Variants in ADGRG7 observed in about 807,000 individuals in gnomAD.
ADGRG7 encodes the protein adhesion G protein-coupled receptor G7, also known as G-protein coupled receptor 128.
ADGRG7 carries 82 observed loss-of-function variants against 88.6 expected under a neutral mutation model. The observed-to-expected ratio is 0.93, with a 90% CI of 0.77 to 1.11. ADGRG7 has a LOEUF of 1.11. Among genes scored for constraint, ADGRG7 ranks in the 50% most tolerant of loss-of-function variants. The probability of loss-of-function intolerance (pLI) is 0.00; values close to 1 mark genes in which losing one functional copy is unlikely to be tolerated. For synonymous variants in ADGRG7, 381 were observed against 345.2 expected (o/e 1.10, Z -1.15); for missense variants, 945 against 953.4 (o/e 0.99, Z 0.12).
At chr3:100,678,084 G>T (rs1209056859) in intron 15 of ADGRG7, among the ~76,000 whole-genome samples, 2 of 151,868 alleles carry the variant, frequency 1.3e-5, no homozygotes, top group African/African-American at 4.8e-5. Context: ...CTATTTTCTA[G>T]ATCTTGTGGG....
intron 15 of ADGRG7, among the ~76,000 whole-genome samples, chr3:100,685,128 C>G (rs1295048173): frequency 2.6e-5 from 4 of 152,062 alleles, no homozygotes; most frequent in Admixed American, 1.3e-4. Context: ...TAAGGAAACT[C>G]TCATCAATGG....
intron 8 of ADGRG7, among the ~76,000 whole-genome samples, chr3:100,645,236 C>T (rs773261915): frequency 1.2e-4 from 18 of 152,266 alleles, no homozygotes; most frequent in Non-Finnish European, 2.5e-4. Flanking sequence ...CTGCCACCAA[C>T]GGGCTGGGTG....
chr3:100,643,802 T>C (rs896423043), intron 8 of ADGRG7, among the ~76,000 whole-genome samples, 169 bp downstream of exon 8: 1 of 152,248 alleles, frequency 6.6e-6, no homozygotes, highest in African/African-American at 2.4e-5. Flanking sequence ...TCTACTATTC[T>C]AAGTCAAAAA....
chr3:100,684,305 C>T (rs1237941226), intron 15 of ADGRG7, among the ~76,000 whole-genome samples: 1 of 89,712 alleles, frequency 1.1e-5, no homozygotes, highest in Non-Finnish European at 2.5e-5. Context: ...TCTCTGTCAC[C>T]CAGGCTGGAA....
intron 6 of ADGRG7, among the ~76,000 whole-genome samples, chr3:100,641,653 A>T (rs1707643965): frequency 6.6e-6 from 1 of 152,252 alleles, no homozygotes. Flanking sequence ...TTGACATAAT[A>T]AATTTAGAGG....
chr3:100,673,832 A>AT (rs1343958428), intron 15 of ADGRG7, among the ~76,000 whole-genome samples: 1 of 152,142 alleles, frequency 6.6e-6, no homozygotes, highest in Non-Finnish European at 1.5e-5. Context: ...GGATTCATTG[A>AT]TTTTTAAAAG....
At chr3:100,644,684 TA>T (rs1168839170) in intron 8 of ADGRG7, among the ~76,000 whole-genome samples, 372 of 142,150 alleles carry the variant, frequency 2.6e-3, no homozygotes, top group Admixed American at 3.7e-3. Context: ...CCCTGCTAAT[TA>T]AAAAAAAAAA....
At chr3:100,677,313 A>G (rs555219596) in intron 15 of ADGRG7, among the ~76,000 whole-genome samples, 41 of 152,246 alleles carry the variant, frequency 2.7e-4, no homozygotes, top group Non-Finnish European at 5.1e-4. Context: ...TAAGCTGATG[A>G]CAACACTGAT....
At position 100,629,717 on chromosome 3, in the gene ADGRG7, T is replaced by C; in HGVS notation, c.229+6T>C. ...AGGACTGAGATGTACAATTGGTAAA[T>C]TACTTGGGATAATGCTAAAGTGTAA... is the stretch of plus-strand genomic sequence containing the variant. On this transcript the variant is annotated splice_donor_region_variant and intron_variant, in intron 2 of 15. Coordinates refer to ENST00000273352, the MANE Select transcript of ADGRG7 (RefSeq NM_032787.3). 1 of 1,556,738 alleles carries C rather than the reference T, an allele frequency of 6.4e-7. No individual in the cohort carries two copies. Among genetic ancestry groups the C allele is most frequent in the Non-Finnish European group, 8.9e-7 (1 of 1,128,096 alleles).
intron 1 of ADGRG7, among the ~76,000 whole-genome samples, chr3:100,626,341 T>A (rs895928166): frequency 1.3e-4 from 20 of 152,202 alleles, no homozygotes; most frequent in African/African-American, 4.8e-4. Flanking sequence ...TGCATTTCCA[T>A]AAATATTTTA....
intron 1 of ADGRG7, among the ~76,000 whole-genome samples, chr3:100,615,660 G>A (rs1707214657): frequency 6.6e-6 from 1 of 152,174 alleles, no homozygotes; most frequent in African/African-American, 2.4e-5. Flanking sequence ...GAGTAGACAT[G>A]GATGGACCTC....
chr3:100,660,514 A>T (rs1380817448), intron 14 of ADGRG7, among the ~76,000 whole-genome samples: 1 of 152,112 alleles, frequency 6.6e-6, no homozygotes, highest in East Asian at 1.9e-4. Context: ...TGTAAAAAAG[A>T]GGCTGGTCTT....
rs764252558 is a variant in ADGRG7 at position 100,646,651 on chromosome 3, G to C, written c.1193G>C (p.Cys398Ser). The part of the protein sequence containing the change: ...LSAKDWDTYG[C>S]QKDKGTDGFL... ...GCGAAGGACTGGGACACATATGGCT[G>C]TCAAAAAGACAAGGGCACTGATGGA... Residue 398 changes from cysteine (C) to serine (S), a missense_variant, in exon 10 of 16, where the codon TGT becomes TCT. Cys to Ser is a moderately radical substitution (Grantham distance 112). Transcript: ENST00000273352. The C allele has an allele frequency of 6.2e-7, 1 of 1,614,128 alleles. No homozygotes were observed. Among genetic ancestry groups the C allele is most frequent in the South Asian group, 1.1e-5 (1 of 91,080 alleles).
chr3:100,672,618 C>T (rs1490700908), intron 15 of ADGRG7, among the ~76,000 whole-genome samples: 1 of 152,168 alleles, frequency 6.6e-6, no homozygotes, highest in East Asian at 1.9e-4. Flanking sequence ...GAGAGAGGGG[C>T]ATCCTTGTCT....
intron 15 of ADGRG7, among the ~76,000 whole-genome samples, chr3:100,687,029 A>G (rs2094983981): frequency 6.6e-6 from 1 of 152,140 alleles, no homozygotes; most frequent in African/African-American, 2.4e-5. Context: ...ATGTTCTTCC[A>G]TTTGTTTGTA....
intron 15 of ADGRG7, among the ~76,000 whole-genome samples, chr3:100,674,289 A>G (rs2094962164): frequency 6.6e-6 from 1 of 152,180 alleles, no homozygotes; most frequent in African/African-American, 2.4e-5. Context: ...TTGTGGTTCC[A>G]TATAAATTTT....
intron 1 of ADGRG7, among the ~76,000 whole-genome samples, chr3:100,622,264 A>ATTTT (rs57699713): frequency 3.1e-5 from 4 of 130,912 alleles, no homozygotes; most frequent in East Asian, 2.2e-4. Context: ...CTCTATATTC[A>ATTTT]TTTTTTTTTT....
chr3:100,657,788 G>A (rs2094939638), intron 13 of ADGRG7, among the ~76,000 whole-genome samples: 1 of 152,108 alleles, frequency 6.6e-6, no homozygotes, highest in Non-Finnish European at 1.5e-5. Flanking sequence ...ATCTGTTAGA[G>A]GCAAGCATGC....
intron 15 of ADGRG7, among the ~76,000 whole-genome samples, chr3:100,693,780 T>C (rs769051830): frequency 1.4e-4 from 21 of 152,308 alleles, no homozygotes; most frequent in Admixed American, 1.2e-3. Context: ...TAGTATACTG[T>C]CAAAATCAAG....
Sources: allele counts gnomAD v4.1 joint callset (sites outside exome capture counted in the v4.1 genomes callset), GRCh38; gene constraint gnomAD v4.1.1; transcripts MANE v1.5; gene names NCBI Gene and HGNC (gene_info 2026-07-23, HGNC 2026-07-21).